AFM: variants seen among roughly 807,000 people sequenced by gnomAD.
The protein encoded by AFM is alpha-Alb.
Under a neutral mutation model 68.7 loss-of-function variants are expected in AFM, and 82 were observed. The ratio of observed to expected loss-of-function variants is 1.19; its 90% CI spans 1.00 to 1.43. The LOEUF is 1.43. Among genes scored for constraint, AFM ranks in the 40% most tolerant of loss-of-function variants. The pLI is 0.00. For missense variants in AFM, 772 were observed against 701.8 expected (o/e 1.10, Z -1.13); for synonymous variants, 250 against 234.2 (o/e 1.07, Z -0.61).
At chr4:73,500,303 G>T in intron 12 of AFM, 76 bp downstream of exon 12, 2 of 1,254,564 alleles carry the variant, frequency 1.6e-6, no homozygotes, top group Non-Finnish European at 2.2e-6. Context: ...GGTTTATCTA[G>T]TGGATATGTC....
chr4:73,483,241 T>C (rs556886254), intron 1 of AFM, among the ~76,000 whole-genome samples: 2 of 152,296 alleles, frequency 1.3e-5, no homozygotes, highest in African/African-American at 4.8e-5. Context: ...CCAGGATTCA[T>C]AAAGCATTCC....
intron 3 of AFM, 75 bp downstream of exon 3, chr4:73,484,465 T>TCTTC: frequency 1.9e-6 from 1 of 524,480 alleles, no homozygotes; most frequent in Admixed American, 4.2e-5. Flanking sequence ...TTTCTTTCTT[T>TCTTC]CTTTCTTTCT....
chr4:73,492,692 G>A (rs1029052150), intron 8 of AFM, among the ~76,000 whole-genome samples: 1 of 150,464 alleles, frequency 6.6e-6, no homozygotes, highest in Non-Finnish European at 1.5e-5. Flanking sequence ...AGCTAATCAG[G>A]AGGCTGAGGC....
Position 73,503,926 on chromosome 4 carries a change from T to G in AFM, c.*91T>G, listed in dbSNP as rs564686793. On this transcript the variant is annotated 3_prime_UTR_variant, in exon 15 of 15. Transcript: ENST00000226355. ...TGAATCGCATTTCCTGAGAACAAAA[T>G]AAAAGGATTTTTCTGTAACTGTCAC... The G allele has an allele frequency of 3.3e-5, 5 of 152,194 alleles. No homozygotes were observed. In the South Asian group the frequency reaches 6.2e-4, roughly 19 times the overall value. The allele number at this position is 152,194 out of a possible 1,614,324, so 9.4% of individuals were successfully genotyped here.
intron 2 of AFM, 108 bp from the exon 3 acceptor site, chr4:73,484,150 A>G (rs11939341): frequency 0.69 from 1,001,756 of 1,446,644 alleles, 352,021 homozygotes; most frequent in Non-Finnish European, 0.72. Flanking sequence ...TATAGCCATT[A>G]CAATAGATAA....
chr4:73,482,894 C>A (rs937582299), intron 1 of AFM, among the ~76,000 whole-genome samples: 3 of 152,078 alleles, frequency 2.0e-5, no homozygotes, highest in Admixed American at 2.0e-4. Flanking sequence ...TAGAAATGAT[C>A]AGATTACTAT....
At chr4:73,486,202 T>C in intron 4 of AFM, 129 bp downstream of exon 4, 1 of 808,186 alleles carries the variant, frequency 1.2e-6, no homozygotes, top group Non-Finnish European at 2.0e-6. Context: ...ATTCAAAACA[T>C]ACTGTGTGTC....
chr4:73,502,999 G>C (rs1353348272), intron 13 of AFM, 51 bp from the exon 14 acceptor site: 1 of 1,544,330 alleles, frequency 6.5e-7, no homozygotes, highest in Non-Finnish European at 8.9e-7. Flanking sequence ...ATTTAAACTA[G>C]TGTCTTAAAT....
chr4:73,497,252 GCTGGGGTATT>G (rs1721281906), intron 9 of AFM, among the ~76,000 whole-genome samples: 1 of 152,182 alleles, frequency 6.6e-6, no homozygotes, highest in Non-Finnish European at 1.5e-5. Flanking sequence ...ACACTTACTA[GCTGGGGTATT>G]CTGGGTAAGT....
rs1299765076 is a variant in AFM, at chr4:73,489,230, TCTTTTGGTTCCTTTTTCCTTACC to T, written c.843+472_843+494del. Among the ~76,000 whole-genome samples the T allele has an allele frequency of 2.0e-5, 3 of 152,246 alleles. No homozygotes were observed. The East Asian group carries it at 5.8e-4, about 29-fold the overall frequency. On this transcript the variant is annotated intron_variant, in intron 7 of 14. Coordinates refer to ENST00000226355, the MANE Select transcript of AFM (RefSeq NM_001133.2). ...TAATTTAACTTTTCTTTTCCCTTTCTCTTTTGGTTCCTTTTTCCTTACCTTCTCCCTTCCCTTTTCCTGTTCCC... is the reference window on the plus strand; with the variant it reads ...TAATTTAACTTTTCTTTTCCCTTTCTTTCTCCCTTCCCTTTTCCTGTTCCC...
Position 73,486,004 on chromosome 4 carries a change from C to T in AFM, c.413C>T (p.Pro138Leu). 2 of 1,614,074 alleles carry T rather than the reference C, an allele frequency of 1.2e-6. No homozygotes were observed. The highest frequency in any genetic ancestry group is 1.7e-6 in the Non-Finnish European group (2 of 1,179,966). ...NKKSDVGFLP[P>L]FPTLDPEEKC... ...AAATCTGATGTGGGATTTCTGCCTC[C>T]TTTCCCTACCCTGGATCCCGAAGAG... The change falls in exon 4 of 15, where the codon CCT becomes CTT. Residue 138 changes from proline (P) to leucine (L), a missense_variant. Coordinates refer to ENST00000226355, the MANE Select transcript of AFM (RefSeq NM_001133.2).
intron 9 of AFM, among the ~76,000 whole-genome samples, chr4:73,497,384 C>A (rs543929840): frequency 6.6e-6 from 1 of 152,046 alleles, no homozygotes; most frequent in South Asian, 2.1e-4. Flanking sequence ...AATTTAAATT[C>A]TGTTTTGTAA....
At chr4:73,503,257 T>C in intron 14 of AFM, 147 bp downstream of exon 14, 2 of 639,980 alleles carry the variant, frequency 3.1e-6, no homozygotes, top group Non-Finnish European at 2.7e-6. Context: ...CCCGATATTG[T>C]TCCTGTGTTT....
At chr4:73,488,545 C>T (rs1720975465) in intron 6 of AFM, 85 bp from the exon 7 acceptor site, 1 of 1,192,702 alleles carries the variant, frequency 8.4e-7, no homozygotes, top group Non-Finnish European at 1.2e-6. Context: ...CTTTTTGTAG[C>T]TATTCATATC....
chr4:73,486,067 T>A lies in AFM; in HGVS notation c.476T>A (p.Leu159Ter). 1 of 1,612,322 alleles carries A rather than the reference T, an allele frequency of 6.2e-7. No individual in the cohort carries two copies. The highest frequency in any genetic ancestry group is 1.1e-5 in the South Asian group (1 of 91,010). ...QAYESNRESL[L>*]NHFLYEVARR... Reference sequence around the variant, plus strand: ...TATGAAAGTAACAGAGAATCCCTTTTAAATCAGTAAGTTTAATCTTAGTAA... The same window carrying A: ...TATGAAAGTAACAGAGAATCCCTTTAAAATCAGTAAGTTTAATCTTAGTAA... The change falls in exon 4 of 15, where the codon TTA becomes TAA. Residue 159 changes from leucine to a stop codon, truncating the protein, a stop_gained. Coordinates refer to ENST00000226355, the MANE Select transcript of AFM (RefSeq NM_001133.2). LOFTEE classifies it high-confidence loss of function.
Position 73,500,138 on chromosome 4 carries a change from T to C in AFM, c.1557T>C (p.Tyr519=), listed in dbSNP as rs1330568622. ...AGAGTTTGAAAGCTGATAAAACATA[T>C]GTGCCTCCACCTTTCTCTCAAGATT... ...CFESLKADKT[Y]VPPPFSQDLF... is the part of the protein sequence containing the mutation. Residue 519 remains tyrosine, a synonymous_variant, in exon 12 of 15, where the codon TAT becomes TAC. Transcript: ENST00000226355. The C allele has an allele frequency of 6.2e-7, 1 of 1,613,930 alleles. No homozygotes were observed. Among genetic ancestry groups the C allele is most frequent in the Non-Finnish European group, 8.5e-7 (1 of 1,179,982 alleles).
chr4:73,484,401 T>C lies in AFM; in HGVS notation c.270+11T>C. ...TGTTCAAAATTACCTGTAAGTAAATTGCTTGTGTTTCTTTTCCTTTTATCT... is the reference window on the plus strand; with the variant it reads ...TGTTCAAAATTACCTGTAAGTAAATCGCTTGTGTTTCTTTTCCTTTTATCT... On this transcript the variant is annotated intron_variant, in intron 3 of 14. Transcript: ENST00000226355. The C allele has an allele frequency of 6.6e-7, 1 of 1,515,408 alleles. No individual in the cohort carries two copies. The highest frequency in any genetic ancestry group is 8.8e-7 in the Non-Finnish European group (1 of 1,133,874). The allele number at this position is 1,515,408 out of a possible 1,614,324, so 93.9% of individuals were successfully genotyped here. A position where few individuals can be genotyped will look rare whatever the true frequency, so the allele number is the denominator to read the frequency against.
intron 1 of AFM, among the ~76,000 whole-genome samples, chr4:73,482,066 A>G (rs1720729651): frequency 6.6e-6 from 1 of 152,234 alleles, no homozygotes; most frequent in African/African-American, 2.4e-5. Flanking sequence ...GTCTATATGA[A>G]GAAAGAGTTG....
chr4:73,487,800 G>A lies in AFM; in HGVS notation c.692G>A (p.Gly231Glu). ...GTCTGTGGGGCACTTTTGAAATTTG[G>A]AACCAAAGTTGTACACTTTATGTGA... ...KHVCGALLKF[G>E]TKVVHFIYIA... The change falls in exon 6 of 15, where the codon GGA becomes GAA. Residue 231 changes from glycine to glutamate, a missense_variant. By Grantham distance (98) the Gly-to-Glu change is moderately conservative. Transcript: ENST00000226355. 1.2e-6 allele frequency: 2 copies of A among 1,609,208 alleles called. No homozygotes were observed. The highest frequency in any genetic ancestry group is 2.2e-5 in the South Asian group (2 of 90,902).
Sources: gnomAD v4.1 joint callset for allele counts (sites outside exome capture counted in the v4.1 genomes callset) on GRCh38, gnomAD v4.1.1 for gene constraint, MANE v1.5 for transcripts, NCBI Gene and HGNC (gene_info 2026-07-23, HGNC 2026-07-21) for gene names.